The following GABRB3 variants were observed in gnomAD, a reference collection of about 807,000 sequenced individuals.
GABRB3 encodes the protein gamma-aminobutyric acid type A receptor subunit beta3.
GABRB3 carries 14 observed loss-of-function variants against 52.1 expected under a neutral mutation model. The ratio of observed to expected loss-of-function variants is 0.27; its 90% CI spans 0.18 to 0.42. The LOEUF (loss-of-function observed/expected upper bound fraction) is 0.42, where lower values mean the gene tolerates loss of function less well. GABRB3 is among the 10% of genes least tolerant of loss of function. The pLI, the probability that GABRB3 is intolerant of heterozygous loss-of-function variation, is 1.00. For missense variants in GABRB3, 307 were observed against 609.1 expected, an observed-to-expected ratio of 0.50 and a Z score of 5.22; for synonymous variants, 260 against 232.3, an observed-to-expected ratio of 1.12 and a Z score of -1.08.
chr15:26,771,333 G>A (rs1037982469), intron 3 of GABRB3, among the ~76,000 whole-genome samples: 2 of 152,130 alleles, frequency 1.3e-5, no homozygotes, highest in African/African-American at 2.4e-5. Context: ...CCCTTGGAGT[G>A]AGGAACTAGC....
intron 3 of GABRB3, among the ~76,000 whole-genome samples, chr15:26,734,137 C>G (rs535118615): frequency 1.5e-4 from 22 of 146,434 alleles, no homozygotes; most frequent in African/African-American, 5.5e-4. Context: ...TCAAGCAATT[C>G]TCCTACCTCA....
intron 3 of GABRB3, among the ~76,000 whole-genome samples, chr15:26,765,256 C>T (rs926630619): frequency 6.6e-6 from 1 of 152,054 alleles, no homozygotes; most frequent in Non-Finnish European, 1.5e-5. Context: ...AATATCCTCA[C>T]CAGCGCTTAC....
At chr15:26,557,122 C>T (rs1254328211) in intron 8 of GABRB3, among the ~76,000 whole-genome samples, 1 of 152,128 alleles carries the variant, frequency 6.6e-6, no homozygotes, top group African/African-American at 2.4e-5. Flanking sequence ...ATGTCCTCTG[C>T]AACAACATGG....
chr15:26,639,338 T>C (rs1199717190), intron 3 of GABRB3, among the ~76,000 whole-genome samples: 6 of 131,262 alleles, frequency 4.6e-5, no homozygotes, highest in Non-Finnish European at 8.6e-5. Context: ...ATGGAAAATA[T>C]TTGAAAAAAA....
intron 3 of GABRB3, among the ~76,000 whole-genome samples, chr15:26,745,333 T>C (rs1890308955): frequency 6.6e-6 from 1 of 152,176 alleles, no homozygotes; most frequent in African/African-American, 2.4e-5. Flanking sequence ...TCTTAAGAAG[T>C]TGTAAAAAAA....
chr15:26,648,503 G>A (rs1004874969), intron 3 of GABRB3, among the ~76,000 whole-genome samples: 25 of 152,174 alleles, frequency 1.6e-4, no homozygotes, highest in African/African-American at 6.0e-4. Context: ...TGGAGAGGGT[G>A]TACAGTGAGA....
intron 3 of GABRB3, chr15:26,642,669 A>G (rs1387860784): frequency 2.5e-6 from 1 of 397,562 alleles, no homozygotes; most frequent in Admixed American, 2.7e-5. Context: ...CCCCCCGCAC[A>G]CACACACCAA....
intron 3 of GABRB3, among the ~76,000 whole-genome samples, chr15:26,652,691 T>G (rs1216504624): frequency 6.6e-6 from 1 of 152,190 alleles, no homozygotes; most frequent in Non-Finnish European, 1.5e-5. Flanking sequence ...CCTTTCCAAT[T>G]TATGGCTTCA....
chr15:26,562,593 G>C (rs553555841), intron 7 of GABRB3, among the ~76,000 whole-genome samples: 1 of 152,288 alleles, frequency 6.6e-6, no homozygotes, highest in Non-Finnish European at 1.5e-5. Flanking sequence ...AGCCCTCCAG[G>C]GCAGAGTTTG....
intron 3 of GABRB3, among the ~76,000 whole-genome samples, chr15:26,748,438 T>C (rs1413372252): frequency 6.6e-6 from 1 of 152,158 alleles, no homozygotes; most frequent in Non-Finnish European, 1.5e-5. Flanking sequence ...TTGGGTACAT[T>C]TTAGTAACTT....
intron 3 of GABRB3, among the ~76,000 whole-genome samples, chr15:26,726,192 A>C (rs1241456315): frequency 2.6e-5 from 4 of 152,068 alleles, no homozygotes; most frequent in Admixed American, 6.5e-5. Flanking sequence ...TCAGATGTGA[A>C]ATTTTCCACT....
At chr15:26,694,432 C>A (rs1888674853) in intron 3 of GABRB3, among the ~76,000 whole-genome samples, 1 of 152,190 alleles carries the variant, frequency 6.6e-6, no homozygotes, top group South Asian at 2.1e-4. Context: ...CACTGAAGAA[C>A]TGAAAGGCTC....
intron 7 of GABRB3, among the ~76,000 whole-genome samples, chr15:26,565,875 T>C (rs1890154533): frequency 6.6e-6 from 1 of 152,172 alleles, no homozygotes; most frequent in Non-Finnish European, 1.5e-5. Flanking sequence ...CTTCTAGGCT[T>C]GGGGAGGGGT....
At chr15:26,652,867 A>C (rs1038105398) in intron 3 of GABRB3, among the ~76,000 whole-genome samples, 1 of 152,216 alleles carries the variant, frequency 6.6e-6, no homozygotes, top group African/African-American at 2.4e-5. Flanking sequence ...CAGGAAAGGG[A>C]GAGTCTGACA....
chr15:26,765,767 T>C (rs1890980884), intron 3 of GABRB3, among the ~76,000 whole-genome samples: 1 of 152,204 alleles, frequency 6.6e-6, no homozygotes, highest in Non-Finnish European at 1.5e-5. Context: ...TAATAAGTGT[T>C]GCAGGAAAGA....
intron 3 of GABRB3, among the ~76,000 whole-genome samples, chr15:26,692,413 T>C (rs917633262): frequency 6.6e-6 from 1 of 152,318 alleles, no homozygotes; most frequent in South Asian, 2.1e-4. Context: ...TGTTTGAACA[T>C]CACAAAGATC....
chr15:26,756,370 C>A (rs1255845752), intron 3 of GABRB3, among the ~76,000 whole-genome samples: 1 of 150,522 alleles, frequency 6.6e-6, no homozygotes, highest in Non-Finnish European at 1.5e-5. Context: ...GAGTTTGAGA[C>A]CACCCCAGGC....
upstream of GABRB3, among the ~76,000 whole-genome samples, chr15:26,773,233 G>A (rs1225481558): frequency 6.7e-6 from 1 of 149,824 alleles, no homozygotes; most frequent in African/African-American, 2.4e-5. Context: ...CCTCCCCCAC[G>A]CTCGCCTCGG....
chr15:26,654,942 C>T lies in GABRB3; in HGVS notation c.241-33408G>A, dbSNP rs181906296. Among the ~76,000 whole-genome samples, 6 of 152,228 alleles carry T rather than the reference C, an allele frequency of 3.9e-5. No individual in the cohort carries two copies. In the East Asian group the frequency reaches 1.2e-3, roughly 30 times the overall value. ...TGATTTCCTGGGGTTAGCTTATCCT[C>T]CCACCTCACTCTCCCGAGTAGCTAA... is the stretch of plus-strand genomic sequence containing the variant. On this transcript the variant is annotated intron_variant, in intron 3 of 8. Transcript: ENST00000311550.
Sources: allele counts gnomAD v4.1 joint callset (sites outside exome capture counted in the v4.1 genomes callset), GRCh38; gene constraint gnomAD v4.1.1; transcripts MANE v1.5; gene names NCBI Gene and HGNC (gene_info 2026-07-23, HGNC 2026-07-21).